KANK2: variants seen among roughly 807,000 people sequenced by gnomAD.
KANK2 encodes the protein KN motif and ankyrin repeat domains 2.
In KANK2, 41 loss-of-function variants were observed where a neutral mutation model predicts 74.6. That is an observed-to-expected ratio of 0.55 (90% CI 0.43 to 0.71). The LOEUF is 0.71. Ranked by LOEUF, KANK2 falls within the 30% of genes least tolerant of loss-of-function variation. The pLI, the probability that KANK2 is intolerant of heterozygous loss-of-function variation, is 0.00. For synonymous variants in KANK2, 537 were observed against 519.0 expected (o/e 1.03, Z -0.47); for missense variants, 1,148 against 1,196.4 (o/e 0.96, Z 0.60).
chr19:11,174,684 G>C lies in KANK2; in HGVS notation c.1857C>G (p.Ala619=). The part of the protein sequence containing the change: ...NALTERELKV[A]YTTVLQEWLR... ...GCCACTCCTGCAGCACTGTGGTGTA[G>C]GCCACTTTCTGCATGCGAGTCAGGT... The change falls in exon 9 of 13, where the codon GCC becomes GCG. Residue 619 remains alanine (A), a synonymous_variant. Coordinates refer to ENST00000586659, the MANE Select transcript of KANK2 (RefSeq NM_001136191.3). The C allele has an allele frequency of 6.2e-7, 1 of 1,601,058 alleles. No homozygotes were observed. The highest frequency in any genetic ancestry group is 1.1e-5 in the South Asian group (1 of 89,674).
chr19:11,194,085 C>A (rs543799466), intron 3 of KANK2, 43 bp from the exon 4 acceptor site: 1 of 1,550,466 alleles, frequency 6.4e-7, no homozygotes, highest in Admixed American at 2.0e-5. Context: ...TCCTCTTGTC[C>A]CCATTCTCAG....
rs2078353232 is a variant in KANK2, at chr19:11,176,795, A to C, written c.1543T>G (p.Ser515Ala). ...TCTGAGATGTTCTCTGCTGTGCTGG[A>C]GTCCTCGGATGACGACTCATACCTG... ...NGGYESSSEDSSTAENISDND... is the reference protein window; with the variant it reads ...NGGYESSSEDASTAENISDND... The change falls in exon 7 of 13, where the codon TCC becomes GCC. Residue 515 changes from serine (S) to alanine (A), a missense_variant. Physicochemically the swap from Ser to Ala is moderately conservative, Grantham distance 99 (BLOSUM62 1). Coordinates refer to ENST00000586659, the MANE Select transcript of KANK2 (RefSeq NM_001136191.3). 2 of 1,547,104 alleles carry C rather than the reference A, an allele frequency of 1.3e-6. No homozygotes were observed. Among genetic ancestry groups the C allele is most frequent in the Admixed American group, 2.0e-5 (1 of 50,836 alleles).
chr19:11,194,821 C>A, intron 2 of KANK2: 1 of 298,956 alleles, frequency 3.3e-6, no homozygotes, highest in Middle Eastern at 1.2e-3. Context: ...TCTGTCCAGG[C>A]CCTGGACAGG....
At chr19:11,179,529 T>G (rs1483436966) in intron 4 of KANK2, among the ~76,000 whole-genome samples, 1 of 148,672 alleles carries the variant, frequency 6.7e-6, no homozygotes, top group Non-Finnish European at 1.5e-5. Context: ...TCCCAGCTAC[T>G]CAGGAGGCTG....
In KANK2 at chr19:11,194,609, G is replaced by C; in HGVS notation, c.-79-19C>G. 1.0e-6 allele frequency: 1 copy of C among 970,608 alleles called. No individual in the cohort carries two copies. Among genetic ancestry groups the C allele is most frequent in the Non-Finnish European group, 1.6e-6 (1 of 606,464 alleles). 60.1% of individuals were successfully genotyped at this position (970,608 alleles called of 1,614,324 possible). On this transcript the variant is annotated intron_variant, in intron 2 of 12. Coordinates refer to ENST00000586659, the MANE Select transcript of KANK2 (RefSeq NM_001136191.3). ...GGCTTACCTGGGGAAAGAGAACCAC[G>C]GCGCCGGGAGTTAGGAGTCTGTAGG...
chr19:11,171,274 C>T (rs538679563), intron 10 of KANK2, among the ~76,000 whole-genome samples: 2 of 151,944 alleles, frequency 1.3e-5, no homozygotes, highest in Non-Finnish European at 2.9e-5. Context: ...GACAACTTGG[C>T]AAAACCCCAA....
At chr19:11,172,185 CAGGCTGG>C (rs2078196296) in intron 10 of KANK2, among the ~76,000 whole-genome samples, 1 of 138,656 alleles carries the variant, frequency 7.2e-6, no homozygotes, top group African/African-American at 3.5e-5. Context: ...CCATGTTGGT[CAGGCTGG>C]TCTTGAACTT....
Position 11,192,816 on chromosome 19 carries a change from C to T in KANK2, c.1249+15G>A. The T allele has an allele frequency of 1.3e-6, 2 of 1,552,154 alleles. No homozygotes were observed. Among genetic ancestry groups the T allele is most frequent in the Non-Finnish European group, 1.8e-6 (2 of 1,140,078 alleles). On this transcript the variant is annotated intron_variant, in intron 4 of 12. Coordinates refer to ENST00000586659, the MANE Select transcript of KANK2 (RefSeq NM_001136191.3). ...CCCCCAAGCCATTCTCCCCTGCCTG[C>T]CTGCGACCGCTTACCTGCTGCTCCA...
chr19:11,174,236 G>A (rs1010628132), intron 9 of KANK2, among the ~76,000 whole-genome samples: 2 of 152,152 alleles, frequency 1.3e-5, no homozygotes, highest in African/African-American at 4.8e-5. Flanking sequence ...CCATTGAACT[G>A]GGAAGGTGCC....
rs531321256 is a variant in KANK2, at chr19:11,176,228, G to T, written c.1761-239C>A. On this transcript the variant is annotated intron_variant, in intron 7 of 12. Transcript: ENST00000586659. Reference sequence around the variant, plus strand: ...AGTTTATTCCAAATGCCCACTGGCAGATGGAAAATATTTCCCAAGGGCAAA... The same window carrying T: ...AGTTTATTCCAAATGCCCACTGGCATATGGAAAATATTTCCCAAGGGCAAA... Among the ~76,000 whole-genome samples the T allele has an allele frequency of 1.3e-4, 20 of 152,320 alleles. No homozygotes were observed. In the South Asian group the frequency reaches 4.1e-3, roughly 32 times the overall value.
chr19:11,193,905 G>C lies in KANK2; in HGVS notation c.175C>G (p.Leu59Val). The change falls in exon 4 of 13, where the codon CTG (leucine) becomes GTG (valine). Residue 59 changes from leucine to valine, a missense_variant. By Grantham distance (32) the Leu-to-Val change is conservative (BLOSUM62 1). Coordinates refer to ENST00000586659, the MANE Select transcript of KANK2 (RefSeq NM_001136191.3). The surrounding 1 kb of genome is among the most constrained non-coding windows in gnomAD (Gnocchi z 9.6). Reference sequence around the variant, plus strand: ...CGGCGCTGCACTGCCACGCGTCGCAGCGTGTGGCCCTTCTCGATGTCATCC... The same window carrying C: ...CGGCGCTGCACTGCCACGCGTCGCACCGTGTGGCCCTTCTCGATGTCATCC... ...YVDDIEKGHT[L>V]RRVAVQRRPR... 6.2e-7 allele frequency: 1 copy of C among 1,613,872 alleles called. No individual in the cohort carries two copies. The highest frequency in any genetic ancestry group is 1.1e-5 in the South Asian group (1 of 91,088).
intron 8 of KANK2, among the ~76,000 whole-genome samples, chr19:11,175,092 G>A (rs930979157): frequency 6.6e-6 from 1 of 151,750 alleles, no homozygotes; most frequent in Admixed American, 6.6e-5. Flanking sequence ...CAAGTAGCTG[G>A]GACCACAGGC....
At chr19:11,196,487 A>T (rs1320611965) in intron 1 of KANK2, 1 of 152,416 alleles carries the variant, frequency 6.6e-6, no homozygotes, top group African/African-American at 2.4e-5. Flanking sequence ...GGCCATGGGG[A>T]AGTGGCTGGG....
chr19:11,175,500 G>A (rs2078311842), intron 8 of KANK2, among the ~76,000 whole-genome samples: 3 of 150,526 alleles, frequency 2.0e-5, no homozygotes, highest in African/African-American at 7.4e-5. Flanking sequence ...TGCCCAGGCT[G>A]GTCTTGAACT....
At chr19:11,194,650 G>A in intron 2 of KANK2, 60 bp from the exon 3 acceptor site, 1 of 675,576 alleles carries the variant, frequency 1.5e-6, no homozygotes, top group Admixed American at 2.1e-5. Flanking sequence ...GGGAGGAGAT[G>A]AGGCCAGCCC....
At position 11,164,434 on chromosome 19, in the gene KANK2, A is replaced by C. The variant is rs2077974290; in HGVS notation, c.*2124T>G. On this transcript the variant is annotated 3_prime_UTR_variant, in exon 13 of 13. Coordinates refer to ENST00000586659, the MANE Select transcript of KANK2 (RefSeq NM_001136191.3). ...GTGAGAAGAGAATGGGCGCAGAGGC[A>C]CGAGTCCAGTATCCCACGGAGAGAA... 6.6e-6 allele frequency: 1 copy of C among 152,162 alleles called. No individual in the cohort carries two copies. Among genetic ancestry groups the C allele is most frequent in the Admixed American group, 6.6e-5 (1 of 15,262 alleles). 9.4% of individuals were successfully genotyped at this position (152,162 alleles called of 1,614,324 possible).
chr19:11,183,771 C>T (rs2078597411), intron 4 of KANK2, among the ~76,000 whole-genome samples: 2 of 152,094 alleles, frequency 1.3e-5, no homozygotes, highest in Admixed American at 1.3e-4. Context: ...CTGCCTCAGC[C>T]TCCCGAGTAG....
At chr19:11,189,862 G>T (rs1214982120) in intron 4 of KANK2, among the ~76,000 whole-genome samples, 1 of 152,122 alleles carries the variant, frequency 6.6e-6, no homozygotes, top group Non-Finnish European at 1.5e-5. Flanking sequence ...CAGAGATTCC[G>T]AGGCTGGGCC....
At position 11,186,672 on chromosome 19, in the gene KANK2, C is replaced by G. The variant is rs553767895; in HGVS notation, c.1249+6159G>C. ...CAAGATCACACCACTGCACTCCAGC[C>G]TGGGCAACAGGAGTGAAACTCTGTC... On this transcript the variant is annotated intron_variant, in intron 4 of 12. Transcript: ENST00000586659. Among the ~76,000 whole-genome samples, 28 of 152,172 alleles carry G rather than the reference C, an allele frequency of 1.8e-4. No individual in the cohort carries two copies. The South Asian group carries it at 5.2e-3, about 28-fold the overall frequency.
Sources: gnomAD v4.1 joint callset for allele counts (sites outside exome capture counted in the v4.1 genomes callset) on GRCh38, gnomAD v4.1.1 for gene constraint, Gnocchi (gnomAD v3.1) non-coding constraint, MANE v1.5 for transcripts, NCBI Gene and HGNC (gene_info 2026-07-23, HGNC 2026-07-21) for gene names.